The following LAMA4 variants were observed in gnomAD, a reference collection of about 807,000 sequenced individuals.
LAMA4 encodes the protein laminin subunit alpha-4.
LAMA4 carries 127 observed loss-of-function variants against 207.1 expected under a neutral mutation model. That is an observed-to-expected ratio of 0.61 (90% confidence interval 0.53 to 0.71). The LOEUF is 0.71. Among genes scored for constraint, LAMA4 ranks in the 30% least tolerant of loss-of-function variants. The pLI is 0.00. For missense variants in LAMA4, 2,093 were observed against 2,246.5 expected, an observed-to-expected ratio of 0.93 and a Z score of 1.38; for synonymous variants, 761 against 816.0, an observed-to-expected ratio of 0.93 and a Z score of 1.15.
In LAMA4 at chr6:112,141,376, C is replaced by T. The variant is rs1554333178; in HGVS notation, c.2795G>A (p.Ser932Asn). 6.2e-7 allele frequency: 1 copy of T among 1,614,084 alleles called. No homozygotes were observed. Reference sequence around the variant, plus strand: ...ACTGTACCTTTCAATCTTGACAATGCTGAAGTAAGCAGGCCAGGAACTGAC... The same window carrying T: ...ACTGTACCTTTCAATCTTGACAATGTTGAAGTAAGCAGGCCAGGAACTGAC... ...KPVSSWPAYF[S>N]IVKIERVGKH... is the part of the protein sequence containing the mutation. The change falls in exon 21 of 39, where the codon AGC becomes AAC. Residue 932 changes from serine to asparagine, a missense_variant. Transcript: ENST00000230538.
At chr6:112,182,262 G>T (rs1554345478) in intron 9 of LAMA4, among the ~76,000 whole-genome samples, 1 of 152,048 alleles carries the variant, frequency 6.6e-6, no homozygotes, top group African/African-American at 2.4e-5. Flanking sequence ...TTCTTACATA[G>T]AATGGTGTAG....
At chr6:112,136,053 G>A in intron 25 of LAMA4, 70 bp downstream of exon 25, 1 of 1,392,812 alleles carries the variant, frequency 7.2e-7, no homozygotes, top group South Asian at 1.2e-5. Flanking sequence ...TCATTTGACT[G>A]CCTGATTAGA....
rs1476617959 is a variant in LAMA4, at chr6:112,175,572, G to A, written c.1190-92C>T. 4.0e-6 allele frequency: 5 copies of A among 1,247,436 alleles called. No homozygotes were observed. The African/African-American group carries it at 7.4e-5, about 18-fold the overall frequency. The allele number at this position is 1,247,436 out of a possible 1,614,324, so 77.3% of individuals were successfully genotyped here. A position where few individuals can be genotyped will look rare whatever the true frequency, so the allele number is the denominator to read the frequency against. Reference sequence around the variant, plus strand: ...AGCAAGGGCTGTGGGCAAAGGGCAGGGCTGATCCTGAAATGGAAAGAGAGA... The same window carrying A: ...AGCAAGGGCTGTGGGCAAAGGGCAGAGCTGATCCTGAAATGGAAAGAGAGA... On this transcript the variant is annotated intron_variant, in intron 10 of 38. Coordinates refer to ENST00000230538, the MANE Select transcript of LAMA4 (RefSeq NM_001105206.3).
chr6:112,136,253 C>A lies in LAMA4; in HGVS notation c.3284G>T (p.Ser1095Ile), dbSNP rs370252556. The change falls in exon 25 of 39, where the codon AGT becomes ATT. Residue 1095 changes from serine to isoleucine, a missense_variant and splice_region_variant. By Grantham distance (142) the Ser-to-Ile change is moderately radical (BLOSUM62 -2). Around this residue, in one of 3 missense-constraint regions of LAMA4, gnomAD observed 1,704 missense variants for 1,788.4 expected, o/e 0.95. Coordinates refer to ENST00000230538, the MANE Select transcript of LAMA4 (RefSeq NM_001105206.3). The part of the protein sequence containing the change: ...NGLILLMVNG[S>I]MFFRLEMRNG... ...GCGCATTTCCAGTCTGAAAAACATA[C>A]TCTGAGGAGAGAAAGGAATTGTAAG... 1.9e-6 allele frequency: 3 copies of A among 1,610,060 alleles called. No homozygotes were observed. Among genetic ancestry groups the A allele is most frequent in the Non-Finnish European group, 2.5e-6 (3 of 1,177,054 alleles).
At position 112,181,338 on chromosome 6, in the gene LAMA4, C is replaced by T. The variant is rs1183459584; in HGVS notation, c.1078-3106G>A. Among the ~76,000 whole-genome samples the T allele has an allele frequency of 3.3e-5, 5 of 152,170 alleles. No individual in the cohort carries two copies. In the East Asian group the frequency reaches 9.6e-4, roughly 29 times the overall value. ...TCAGCTCATTGTTCTGGGTAAATAC[C>T]TGAATGACTTCCAGAGTCCACAGGC... On this transcript the variant is annotated intron_variant, in intron 9 of 38. Coordinates refer to ENST00000230538, the MANE Select transcript of LAMA4 (RefSeq NM_001105206.3).
chr6:112,161,542 A>C (rs1781051528), intron 13 of LAMA4, among the ~76,000 whole-genome samples: 1 of 152,216 alleles, frequency 6.6e-6, no homozygotes. Flanking sequence ...CTGTGTGCTC[A>C]TTATGGACCA....
At chr6:112,189,447 A>G (rs1441611831) in intron 6 of LAMA4, among the ~76,000 whole-genome samples, 2 of 152,162 alleles carry the variant, frequency 1.3e-5, no homozygotes, top group African/African-American at 4.8e-5. Flanking sequence ...TAAGTTTTCT[A>G]GGATTTCTCT....
chr6:112,137,453 A>G (rs1554331913), intron 24 of LAMA4, among the ~76,000 whole-genome samples: 1 of 152,262 alleles, frequency 6.6e-6, no homozygotes, highest in African/African-American at 2.4e-5. Flanking sequence ...AACTTTTAAT[A>G]TTTAACACAT....
Position 112,128,982 on chromosome 6 carries a change from C to A in LAMA4, c.4227G>T (p.Leu1409Phe), listed in dbSNP as rs1457030369. ...LYECPIESSP[L>F]FLLHKKGKNL... ...TTTTTCCTTTTTTATGGAGGAGAAA[C>A]AATGGTGAAGACTCAATGGGACACT... The change falls in exon 31 of 39, where the codon TTG (leucine) becomes TTT (phenylalanine). Residue 1409 changes from leucine (L) to phenylalanine (F), a missense_variant. Physicochemically the swap from Leu to Phe is conservative, Grantham distance 22 (BLOSUM62 0). Around this residue, in one of 3 missense-constraint regions of LAMA4, gnomAD observed 1,704 missense variants for 1,788.4 expected, o/e 0.95. Transcript: ENST00000230538. The A allele has an allele frequency of 6.2e-7, 1 of 1,612,882 alleles. No homozygotes were observed. The highest frequency in any genetic ancestry group is 8.5e-7 in the Non-Finnish European group (1 of 1,179,166).
intron 25 of LAMA4, 70 bp downstream of exon 25, chr6:112,136,053 G>C: frequency 7.2e-7 from 1 of 1,392,812 alleles, no homozygotes; most frequent in South Asian, 1.2e-5. Context: ...TCATTTGACT[G>C]CCTGATTAGA....
chr6:112,208,801 G>T (rs1484491664), intron 3 of LAMA4, among the ~76,000 whole-genome samples: 1 of 152,282 alleles, frequency 6.6e-6, no homozygotes, highest in Middle Eastern at 3.4e-3. Flanking sequence ...CAGCCATTAG[G>T]TATGAGCAAT....
intron 31 of LAMA4, among the ~76,000 whole-genome samples, chr6:112,125,879 T>G (rs955248853): frequency 6.6e-6 from 1 of 152,238 alleles, no homozygotes; most frequent in Non-Finnish European, 1.5e-5. Context: ...CAATCCCAAT[T>G]GCTTTGATGC....
rs149354860 is a variant in LAMA4 at position 112,165,869 on chromosome 6, C to A, written c.1552-593G>T. Reference sequence around the variant, plus strand: ...AGGGAAAGTAAATACTAATACATGTCTTGATGAGTACTTTAATTTCTACCA... The same window carrying A: ...AGGGAAAGTAAATACTAATACATGTATTGATGAGTACTTTAATTTCTACCA... On this transcript the variant is annotated intron_variant, in intron 12 of 38. Coordinates refer to ENST00000230538, the MANE Select transcript of LAMA4 (RefSeq NM_001105206.3). 1.4e-3 allele frequency among the ~76,000 whole-genome samples: 220 copies of A among 152,254 alleles called. 1 individual carries two copies. Among genetic ancestry groups the A allele is most frequent in the African/African-American group, 4.9e-3 (203 of 41,558 alleles).
intron 9 of LAMA4, chr6:112,180,007 T>C (rs1387511927): frequency 6.2e-6 from 3 of 483,578 alleles, no homozygotes; most frequent in Non-Finnish European, 8.4e-6. Context: ...GAAACTATAA[T>C]AAATCTTAAT....
At chr6:112,155,047 A>G in intron 15 of LAMA4, 100 bp from the exon 16 acceptor site, 1 of 819,570 alleles carries the variant, frequency 1.2e-6, no homozygotes, top group East Asian at 2.4e-5. Context: ...GCTAAACACC[A>G]AGCAAAATGC....
At chr6:112,241,104 T>TATATATATGA (rs1562101677) in intron 2 of LAMA4, among the ~76,000 whole-genome samples, 29 of 96,162 alleles carry the variant, frequency 3.0e-4, no homozygotes, top group South Asian at 3.8e-4. Context: ...CATGAATATA[T>TATATATATGA]ATATATATAT....
chr6:112,173,141 T>C (rs1037685613), intron 11 of LAMA4, among the ~76,000 whole-genome samples: 3 of 152,208 alleles, frequency 2.0e-5, no homozygotes, highest in Non-Finnish European at 2.9e-5. Flanking sequence ...TTGGGTATAG[T>C]ATGGTTTTTA....
Position 112,115,937 on chromosome 6 carries a change from T to C in LAMA4, c.5038A>G (p.Ser1680Gly), listed in dbSNP as rs1020261317. 9.9e-6 allele frequency: 16 copies of C among 1,613,508 alleles called. No homozygotes were observed. The highest frequency in any genetic ancestry group is 1.4e-5 in the Non-Finnish European group (16 of 1,179,540). Residue 1680 changes from serine (S) to glycine (G), a missense_variant, in exon 36 of 39, where the codon AGC (serine) becomes GGC (glycine). Transcript: ENST00000230538. The stretch of plus-strand genomic sequence containing the variant: ...CCGTGGACCAGGGTTCCGGAACTGC[T>C]TCTGGGACGGACTTCAAATGCAATT... ...FEIAFEVRPRSSSGTLVHGHS... is the reference protein window; with the variant it reads ...FEIAFEVRPRGSSGTLVHGHS...
At chr6:112,141,561 C>G in intron 20 of LAMA4, 58 bp from the exon 21 acceptor site, 1 of 1,325,226 alleles carries the variant, frequency 7.5e-7, no homozygotes, top group East Asian at 2.3e-5. Context: ...TGAACATCAT[C>G]TTTTTTAAAG....
Sources: allele counts gnomAD v4.1 joint callset (sites outside exome capture counted in the v4.1 genomes callset), GRCh38; gene constraint gnomAD v4.1.1; regional missense constraint gnomAD v4.1.1; transcripts MANE v1.5; gene names NCBI Gene and HGNC (gene_info 2026-07-23, HGNC 2026-07-21).